Variants in FMNL1 observed in about 807,000 individuals in gnomAD.
The protein encoded by FMNL1 is formin like 1, also known as formin-like protein 1.
A neutral mutation model predicts 121.3 loss-of-function variants in FMNL1; 43 were observed. The ratio of observed to expected loss-of-function variants is 0.35; its 90% CI spans 0.28 to 0.46. The LOEUF (loss-of-function observed/expected upper bound fraction) is 0.46. FMNL1 is among the 20% of genes least tolerant of loss of function. The probability of loss-of-function intolerance (pLI) is 1.00; values close to 1 mark genes in which losing one functional copy is unlikely to be tolerated. For missense variants in FMNL1, 1,191 were observed against 1,482.4 expected, an observed-to-expected ratio of 0.80 and a Z score of 3.23; for synonymous variants, 613 against 613.5, an observed-to-expected ratio of 1.00 and a Z score of 0.01.
chr17:45,245,706 C>T lies in FMNL1; in HGVS notation c.2967C>T (p.Leu989=), dbSNP rs200167037. ...KTTSPGLFFS[L]FSRFIKAYKK... ...CATCCCCAGGCCTGTTCTTCTCCCTCTTTAGCCGCTTCATTAAGGCCTACA... is the reference window on the plus strand; with the variant it reads ...CATCCCCAGGCCTGTTCTTCTCCCTTTTTAGCCGCTTCATTAAGGCCTACA... The change falls in exon 23 of 27, where the codon CTC becomes CTT. Residue 989 remains leucine, a synonymous_variant. Coordinates refer to ENST00000331495, the MANE Select transcript of FMNL1 (RefSeq NM_005892.4). 2.2e-5 allele frequency: 36 copies of T among 1,614,036 alleles called. 1 individual carries two copies. In the Admixed American group the frequency reaches 4.8e-4, roughly 22 times the overall value.
At position 45,241,269 on chromosome 17, in the gene FMNL1, C is replaced by T; in HGVS notation, c.1332+39C>T. 6.2e-7 allele frequency: 1 copy of T among 1,613,232 alleles called. No homozygotes were observed. The highest frequency in any genetic ancestry group is 8.5e-7 in the Non-Finnish European group (1 of 1,179,530). On this transcript the variant is annotated intron_variant, in intron 13 of 26. Coordinates refer to ENST00000331495, the MANE Select transcript of FMNL1 (RefSeq NM_005892.4). The surrounding 1 kb of genome is among the most constrained non-coding windows in gnomAD (Gnocchi z 7.0). ...GGGTGGTAGGCCAGGCGCCCAAGAA[C>T]AGGCCAGCTGAGGCTTCTAGGCTTG... is the stretch of plus-strand genomic sequence containing the variant.
At chr17:45,228,217 C>T (rs759723220) in intron 1 of FMNL1, among the ~76,000 whole-genome samples, 1 of 152,226 alleles carries the variant, frequency 6.6e-6, no homozygotes, top group Non-Finnish European at 1.5e-5. Flanking sequence ...GGAGCAGCTG[C>T]TAATTAGTGT....
Position 45,230,589 on chromosome 17 carries a change from C to G in FMNL1, c.130-15C>G. The G allele has an allele frequency of 6.2e-7, 1 of 1,613,196 alleles. No homozygotes were observed. Among genetic ancestry groups the G allele is most frequent in the Non-Finnish European group, 8.5e-7 (1 of 1,179,564 alleles). ...GGGCCCCAGGCTCAGGGGTCTTTGT[C>G]CTCCCTGTCCCCAGAACTGCATGAA... On this transcript the variant is annotated splice_polypyrimidine_tract_variant and intron_variant, in intron 1 of 26. Transcript: ENST00000331495.
chr17:45,246,930 C>T lies in FMNL1; in HGVS notation c.*72C>T, dbSNP rs780152436. The T allele has an allele frequency of 5.3e-6, 4 of 757,960 alleles. No homozygotes were observed. Among genetic ancestry groups the T allele is most frequent in the South Asian group, 2.7e-5 (2 of 73,020 alleles). 47.0% of individuals were successfully genotyped at this position (757,960 alleles called of 1,614,324 possible). A position where few individuals can be genotyped will look rare whatever the true frequency, so the allele number is the denominator to read the frequency against. On this transcript the variant is annotated 3_prime_UTR_variant, in exon 27 of 27. Coordinates refer to ENST00000331495, the MANE Select transcript of FMNL1 (RefSeq NM_005892.4). ...CGCCGCAGTGCCCGTCGGCGTCCCC[C>T]GGGCCCCCCACTGCAGGTCACCTCC...
chr17:45,233,171 G>A lies in FMNL1; in HGVS notation c.328-53G>A, dbSNP rs2043475895. On this transcript the variant is annotated intron_variant, in intron 3 of 26. Transcript: ENST00000331495. The surrounding 1 kb of genome is among the most constrained non-coding windows in gnomAD (Gnocchi z 4.1). ...TGCCTGCTGCCTCAGGACTTGGTGG[G>A]CCTGTGGGAGGCCGGGCTCCACCCA... is the stretch of plus-strand genomic sequence containing the variant. 1.3e-6 allele frequency: 2 copies of A among 1,536,448 alleles called. No homozygotes were observed. The highest frequency in any genetic ancestry group is 1.8e-6 in the Non-Finnish European group (2 of 1,133,926).
At chr17:45,227,044 G>A (rs2043342722) in intron 1 of FMNL1, among the ~76,000 whole-genome samples, 1 of 152,208 alleles carries the variant, frequency 6.6e-6, no homozygotes, top group African/African-American at 2.4e-5. Flanking sequence ...ACCATATAGA[G>A]GTGGGCAGGT....
At position 45,233,533 on chromosome 17, in the gene FMNL1, A is replaced by T. The variant is rs1367226351; in HGVS notation, c.402-115A>T. On this transcript the variant is annotated intron_variant, in intron 4 of 26. Transcript: ENST00000331495. This position sits in a 1 kb window ranked among gnomAD's most constrained non-coding sequence, Gnocchi z 4.1. ...GAGTCTCCCAGAATCCTTTGGTATCATTGGGTCTTTGGGGGTTGAAAGGGC... is the reference window on the plus strand; with the variant it reads ...GAGTCTCCCAGAATCCTTTGGTATCTTTGGGTCTTTGGGGGTTGAAAGGGC... 3.3e-6 allele frequency: 4 copies of T among 1,221,964 alleles called. No individual in the cohort carries two copies. Among genetic ancestry groups the T allele is most frequent in the Middle Eastern group, 2.0e-4 (1 of 4,962 alleles). 75.7% of individuals were successfully genotyped at this position (1,221,964 alleles called of 1,614,324 possible).
intron 1 of FMNL1, among the ~76,000 whole-genome samples, chr17:45,222,575 T>C (rs2043250357): frequency 6.6e-6 from 1 of 151,370 alleles, no homozygotes; most frequent in Non-Finnish European, 1.5e-5. Flanking sequence ...GTCGCCCCCT[T>C]CCCCACTGCA....
At chr17:45,228,638 T>C (rs937060213) in intron 1 of FMNL1, among the ~76,000 whole-genome samples, 1 of 152,230 alleles carries the variant, frequency 6.6e-6, no homozygotes, top group African/African-American at 2.4e-5. Flanking sequence ...ACAGTAGGCA[T>C]TCTGGTGGAG....
chr17:45,225,265 C>A (rs1026871906), intron 1 of FMNL1, among the ~76,000 whole-genome samples: 1 of 152,198 alleles, frequency 6.6e-6, no homozygotes, highest in African/African-American at 2.4e-5. Context: ...GGGTGTGGGC[C>A]TGGAGTCCTG....
At position 45,243,885 on chromosome 17, in the gene FMNL1, C is replaced by G; in HGVS notation, c.2308C>G (p.Arg770Gly). Residue 770 changes from arginine to glycine, a missense_variant, in exon 18 of 27, where the codon CGG becomes GGG. Arg to Gly is a moderately radical substitution (Grantham distance 125). This residue lies in a region of FMNL1 where 367 missense variants were observed against 528.6 expected (regional missense o/e 0.69). Transcript: ENST00000331495. ...YERSLITRFE[R>G]EQRPMEELSE... is the part of the protein sequence containing the mutation. ...GCGCAGCCTCATCACCCGCTTTGAG[C>G]GGGAGCAGCGGCCAATGGAGGAGCT... is the stretch of plus-strand genomic sequence containing the variant. The G allele has an allele frequency of 1.2e-6, 2 of 1,613,766 alleles. No homozygotes were observed. The highest frequency in any genetic ancestry group is 2.2e-5 in the East Asian group (1 of 44,882).
intron 22 of FMNL1, 37 bp downstream of exon 22, chr17:45,245,453 G>A (rs745954920): frequency 5.6e-6 from 9 of 1,613,654 alleles, no homozygotes; most frequent in Admixed American, 5.0e-5. Context: ...GGTGGGGCAT[G>A]TAGGAGCACT....
At chr17:45,236,344 C>A in intron 7 of FMNL1, 100 bp downstream of exon 7, 2 of 989,588 alleles carry the variant, frequency 2.0e-6, no homozygotes, top group Non-Finnish European at 3.1e-6. Flanking sequence ...GTCCCTTTAC[C>A]CTGTGCTGTG....
chr17:45,223,320 C>T (rs900023769), intron 1 of FMNL1, among the ~76,000 whole-genome samples: 1 of 152,160 alleles, frequency 6.6e-6, no homozygotes, highest in African/African-American at 2.4e-5. Flanking sequence ...AGTTGGTGGC[C>T]CTCCATCTCC....
chr17:45,234,702 AAAG>A (rs1359445311), intron 6 of FMNL1: 1 of 155,500 alleles, frequency 6.4e-6, no homozygotes, highest in African/African-American at 3.2e-5. Flanking sequence ...AGAAAAGAAA[AAAG>A]AAGCCATCGG....
intron 16 of FMNL1, 39 bp from the exon 17 acceptor site, chr17:45,243,079 A>C (rs779398380): frequency 6.2e-7 from 1 of 1,609,022 alleles, no homozygotes; most frequent in Admixed American, 1.7e-5. Flanking sequence ...GCCAGACCCC[A>C]GCCCCACCCA....
chr17:45,246,572 C>T lies in FMNL1; in HGVS notation c.3279C>T (p.Ser1093=). 6.2e-7 allele frequency: 1 copy of T among 1,610,390 alleles called. No homozygotes were observed. Among genetic ancestry groups the T allele is most frequent in the African/African-American group, 1.3e-5 (1 of 74,926 alleles). ...KRTSRLLCEA[S]LGEEMPL is the part of the protein sequence containing the mutation. ...CATCCCGGCTCCTCTGTGAGGCCAG[C>T]CTGGGAGAAGAGATGCCCCTCTAGC... The change falls in exon 26 of 27, where the codon AGC becomes AGT. Residue 1093 remains serine, a synonymous_variant. Coordinates refer to ENST00000331495, the MANE Select transcript of FMNL1 (RefSeq NM_005892.4).
Position 45,241,896 on chromosome 17 carries a change from G to T in FMNL1, c.1635G>T (p.Pro545=), listed in dbSNP as rs962272031. The change falls in exon 15 of 27, where the codon CCG becomes CCT. Residue 545 remains proline, a synonymous_variant. Coordinates refer to ENST00000331495, the MANE Select transcript of FMNL1 (RefSeq NM_005892.4). This position sits in a 1 kb window ranked among gnomAD's most constrained non-coding sequence, Gnocchi z 7.0. ...EPAPGAAPPP[P]PPLPGLPSPQ... is the part of the protein sequence containing the mutation. ...CTCCCGGAGCAGCGCCACCGCCGCC[G>T]CCCCCACTGCCCGGCCTCCCCTCCC... is the stretch of plus-strand genomic sequence containing the variant. 2.1e-6 allele frequency: 3 copies of T among 1,417,768 alleles called. No homozygotes were observed. The African/African-American group carries it at 4.6e-5, about 22-fold the overall frequency. 87.8% of individuals were successfully genotyped at this position (1,417,768 alleles called of 1,614,324 possible). A position where few individuals can be genotyped will look rare whatever the true frequency, so the allele number is the denominator to read the frequency against.
Position 45,229,113 on chromosome 17 carries a change from C to T in FMNL1, c.130-1491C>T, listed in dbSNP as rs559219022. On this transcript the variant is annotated intron_variant, in intron 1 of 26. Transcript: ENST00000331495. ...TGGCCCTTGGAGGGCTGGGGGAGGGCGGCTGATGAGACAGCGGTGGTTTCC... is the reference window on the plus strand; with the variant it reads ...TGGCCCTTGGAGGGCTGGGGGAGGGTGGCTGATGAGACAGCGGTGGTTTCC... 2.2e-4 allele frequency among the ~76,000 whole-genome samples: 34 copies of T among 152,286 alleles called. 1 individual carries two copies. In the South Asian group the frequency reaches 2.7e-3, roughly 12 times the overall value.
Sources: gnomAD v4.1 joint callset for allele counts (sites outside exome capture counted in the v4.1 genomes callset) on GRCh38, gnomAD v4.1.1 for gene constraint, gnomAD v4.1.1 regional missense constraint, Gnocchi (gnomAD v3.1) non-coding constraint, MANE v1.5 for transcripts, NCBI Gene and HGNC (gene_info 2026-07-23, HGNC 2026-07-21) for gene names.